Variants in PDE1C observed in about 807,000 individuals in gnomAD.
PDE1C encodes phosphodiesterase 1C, also known as dual specificity calcium/calmodulin-dependent 3',5'-cyclic nucleotide phosphodiesterase 1C.
In PDE1C, 62 loss-of-function variants were observed where a neutral mutation model predicts 93.1. The ratio of observed to expected loss-of-function variants is 0.67; its 90% CI spans 0.54 to 0.82. PDE1C has a LOEUF of 0.82. PDE1C is among the 40% of genes least tolerant of loss of function. The pLI is 0.00. For missense variants in PDE1C, 742 were observed against 884.6 expected (o/e 0.84, Z 2.04); for synonymous variants, 325 against 310.1 (o/e 1.05, Z -0.50).
At chr7:32,337,141 T>C (rs1288216323) in intron 1 of PDE1C, among the ~76,000 whole-genome samples, 1 of 152,118 alleles carries the variant, frequency 6.6e-6, no homozygotes, top group Non-Finnish European at 1.5e-5. Context: ...GTCTCCTCCC[T>C]TCCAAGCCAC....
At chr7:31,643,779 C>T in the PDE1C span, 7 of 1,613,996 alleles carry the variant, frequency 4.3e-6, no homozygotes, top group South Asian at 6.6e-5. Flanking sequence ...CTATACCTGC[C>T]CACTGCTGCA....
intron 3 of PDE1C, among the ~76,000 whole-genome samples, chr7:32,080,922 T>C (rs1022174050): frequency 2.6e-5 from 4 of 152,200 alleles, no homozygotes; most frequent in Non-Finnish European, 5.9e-5. Flanking sequence ...CCATCAGAAG[T>C]TGACATGTGC....
intron 1 of PDE1C, among the ~76,000 whole-genome samples, chr7:32,391,428 T>C (rs867947701): frequency 2.0e-5 from 3 of 152,144 alleles, no homozygotes; most frequent in Non-Finnish European, 4.4e-5. Context: ...CCACTCTGAA[T>C]AATGAATAAA....
intron 1 of PDE1C, among the ~76,000 whole-genome samples, chr7:32,370,133 T>C (rs1585129105): frequency 6.6e-6 from 1 of 152,226 alleles, no homozygotes; most frequent in Non-Finnish European, 1.5e-5. Flanking sequence ...CAATACACCA[T>C]GGAATACTAT....
intron 1 of PDE1C, among the ~76,000 whole-genome samples, chr7:32,359,898 C>T (rs1220149395): frequency 2.6e-5 from 4 of 152,150 alleles, no homozygotes; most frequent in Admixed American, 1.3e-4. Flanking sequence ...CAAATGCCAC[C>T]CCATCCAGGA....
At chr7:32,186,107 T>G (rs1158894788) in intron 2 of PDE1C, among the ~76,000 whole-genome samples, 11 of 134,956 alleles carry the variant, frequency 8.2e-5, no homozygotes, top group South Asian at 4.7e-4. Context: ...TTTTTTTTTT[T>G]TTTTTTGAGA....
chr7:31,718,774 G>T, the PDE1C span, among the ~76,000 whole-genome samples: 2 of 152,166 alleles, frequency 1.3e-5, no homozygotes, highest in African/African-American at 4.8e-5. Flanking sequence ...GGACAAGGGT[G>T]AATTATTATC....
chr7:32,408,639 A>C (rs2128097298), intron 1 of PDE1C, among the ~76,000 whole-genome samples: 1 of 152,238 alleles, frequency 6.6e-6, no homozygotes, highest in Non-Finnish European at 1.5e-5. Flanking sequence ...AAATACAAAA[A>C]TTAGCCAGGC....
At chr7:32,114,821 T>C (rs1359125354) in intron 3 of PDE1C, among the ~76,000 whole-genome samples, 1 of 76,808 alleles carries the variant, frequency 1.3e-5, no homozygotes, top group Non-Finnish European at 3.1e-5. Context: ...AACAGACACT[T>C]CTCAAAAAAA....
chr7:31,837,177 T>A lies in PDE1C; in HGVS notation c.1203+3A>T. 8 of 1,612,144 alleles carry A rather than the reference T, an allele frequency of 5.0e-6. No individual in the cohort carries two copies. Among genetic ancestry groups the A allele is most frequent in the Non-Finnish European group, 6.8e-6 (8 of 1,179,216 alleles). ...TCCTGATGGAGAGAGAGCAACAAGGTACCTGTCTGAAGAACTCCTCCAGGA... is the reference window on the plus strand; with the variant it reads ...TCCTGATGGAGAGAGAGCAACAAGGAACCTGTCTGAAGAACTCCTCCAGGA... On this transcript the variant is annotated splice_donor_region_variant and intron_variant, in intron 11 of 17. Transcript: ENST00000396191.
intron 2 of PDE1C, among the ~76,000 whole-genome samples, chr7:31,966,251 G>A (rs1463561011): frequency 3.9e-5 from 6 of 152,076 alleles, no homozygotes; most frequent in African/African-American, 7.2e-5. Flanking sequence ...TCAAAATAAA[G>A]GGATGGAGGA....
At chr7:32,034,193 G>A (rs1790730032) in intron 2 of PDE1C, among the ~76,000 whole-genome samples, 1 of 151,954 alleles carries the variant, frequency 6.6e-6, no homozygotes, top group African/African-American at 2.4e-5. Flanking sequence ...GACAACATGA[G>A]CAAAGAACTG....
chr7:32,373,550 G>A (rs1784368040), intron 1 of PDE1C, among the ~76,000 whole-genome samples: 1 of 152,204 alleles, frequency 6.6e-6, no homozygotes, highest in Non-Finnish European at 1.5e-5. Context: ...TGTTGATCAT[G>A]GTAGTGGTTG....
intron 1 of PDE1C, among the ~76,000 whole-genome samples, chr7:32,219,056 G>A (rs1182751827): frequency 6.6e-6 from 1 of 152,192 alleles, no homozygotes; most frequent in Admixed American, 6.5e-5. Flanking sequence ...AAGGTGTTTG[G>A]TGTTTCTGTG....
At chr7:32,411,827 C>CA (rs534073334) in intron 1 of PDE1C, among the ~76,000 whole-genome samples, 14 of 144,526 alleles carry the variant, frequency 9.7e-5, no homozygotes, top group East Asian at 5.8e-4. Flanking sequence ...TACAGCTGTG[C>CA]AAAAAAAAAT....
intron 1 of PDE1C, among the ~76,000 whole-genome samples, chr7:32,235,691 CTGGAAGACTCAATA>C (rs1190328901): frequency 6.6e-6 from 1 of 151,962 alleles, no homozygotes; most frequent in Non-Finnish European, 1.5e-5. Flanking sequence ...TGGTCCAGGG[CTGGAAGACTCAATA>C]TGGTAAAGAC....
chr7:31,842,115 C>CACTGAGT (rs1791978790), intron 9 of PDE1C, among the ~76,000 whole-genome samples: 1 of 152,024 alleles, frequency 6.6e-6, no homozygotes, highest in African/African-American at 2.4e-5. Flanking sequence ...AATATCAGCA[C>CACTGAGT]ACACTGAGGC....
rs187095688 is a variant in PDE1C at position 32,353,644 on chromosome 7, G to A, written c.310+74178C>T. On this transcript the variant is annotated intron_variant, in intron 1 of 1. Transcript: ENST00000672256. ...ACCAACATATTTTTAAATCTTTTTA[G>A]TCTACAGGTATTGCCTCCATTCTTT... 2.1e-4 allele frequency among the ~76,000 whole-genome samples: 30 copies of A among 144,812 alleles called. No individual in the cohort carries two copies. The East Asian group carries it at 6.4e-3, about 31-fold the overall frequency.
chr7:32,364,943 G>A (rs958301292), intron 1 of PDE1C, among the ~76,000 whole-genome samples: 2 of 152,198 alleles, frequency 1.3e-5, no homozygotes, highest in South Asian at 2.1e-4. Context: ...GGAACAGTCC[G>A]GCAGAACCTG....
Sources: allele counts gnomAD v4.1 joint callset (sites outside exome capture counted in the v4.1 genomes callset), GRCh38; gene constraint gnomAD v4.1.1; transcripts MANE v1.5; gene names NCBI Gene and HGNC (gene_info 2026-07-23, HGNC 2026-07-21).